NOMO3: variants seen among roughly 807,000 people sequenced by gnomAD.
NOMO3 encodes NODAL modulator 3, also known as BOS complex subunit NOMO3.
A neutral mutation model predicts 69.9 loss-of-function variants in NOMO3; 15 were observed. The observed-to-expected ratio is 0.21, with a 90% CI of 0.14 to 0.33. NOMO3 has a LOEUF of 0.33. Among genes scored for constraint, NOMO3 ranks in the 10% least tolerant of loss-of-function variants. The pLI, the probability that NOMO3 is intolerant of heterozygous loss-of-function variation, is 1.00. For missense variants in NOMO3, 218 were observed against 761.0 expected (o/e 0.29, Z 8.39); for synonymous variants, 89 against 301.9 (o/e 0.29, Z 7.31).
intron 16 of NOMO3, chr16:16,267,421 C>G: frequency 2.3e-6 from 1 of 437,310 alleles, no homozygotes; most frequent in South Asian, 3.6e-5. Flanking sequence ...GCTTCTCGCT[C>G]TTTCTCATTT....
At position 16,237,547 on chromosome 16, in the gene NOMO3, GT is replaced by G. The variant is rs377365326; in HGVS notation, c.255+568del. Among the ~76,000 whole-genome samples the G allele has an allele frequency of 2.9e-4, 40 of 135,654 alleles. 3 individuals carry two copies. Among genetic ancestry groups the G allele is most frequent in the South Asian group, 9.4e-4 (4 of 4,272 alleles). 89.0% of individuals were successfully genotyped at this position (135,654 alleles called of 152,430 possible). A position where few individuals can be genotyped will look rare whatever the true frequency, so the allele number is the denominator to read the frequency against. On this transcript the variant is annotated intron_variant, in intron 2 of 30. Coordinates refer to ENST00000399336, the MANE Select transcript of NOMO3 (RefSeq NM_001004067.4). ...TAATCTGATAAAGGTTTTTTTTGTTGTTTTTTTTTTTCTTCTTTTGAGTTGG... is the reference window on the plus strand; with the variant it reads ...TAATCTGATAAAGGTTTTTTTTGTTGTTTTTTTTTTCTTCTTTTGAGTTGG...
At chr16:16,260,654 T>A (rs2141257483) in intron 11 of NOMO3, among the ~76,000 whole-genome samples, 1 of 142,246 alleles carries the variant, frequency 7.0e-6, no homozygotes, top group South Asian at 2.2e-4. Context: ...CAGAAGTAAC[T>A]AATTTTTATC....
chr16:16,250,049 C>T (rs1223127879), intron 6 of NOMO3, among the ~76,000 whole-genome samples: 2 of 134,014 alleles, frequency 1.5e-5, no homozygotes, highest in Non-Finnish European at 3.0e-5. Flanking sequence ...GGCACTGTTG[C>T]GTGATTGGAA....
chr16:16,262,883 T>C (rs2049576078), intron 12 of NOMO3, among the ~76,000 whole-genome samples, 191 bp from the exon 13 acceptor site: 1 of 142,808 alleles, frequency 7.0e-6, no homozygotes, highest in Non-Finnish European at 1.5e-5. Flanking sequence ...ATTTTTCATC[T>C]GGGTAGAACC....
intron 11 of NOMO3, among the ~76,000 whole-genome samples, chr16:16,260,686 T>A (rs1245886636): frequency 3.5e-5 from 5 of 141,916 alleles, no homozygotes; most frequent in Admixed American, 2.7e-4. Context: ...TTGAAGATTC[T>A]TTAAAATGAA....
intron 17 of NOMO3, among the ~76,000 whole-genome samples, 186 bp downstream of exon 17, chr16:16,270,370 G>A (rs1480452505): frequency 8.7e-6 from 1 of 115,546 alleles, no homozygotes. Flanking sequence ...CCGGAGACAG[G>A]ATCCCTTTCC....
intron 16 of NOMO3, among the ~76,000 whole-genome samples, chr16:16,268,196 G>A (rs1255941594): frequency 6.9e-6 from 1 of 144,064 alleles, no homozygotes; most frequent in Admixed American, 6.7e-5. Flanking sequence ...CTAATGTTAC[G>A]GACATTCTTA....
rs1178934321 is a variant in NOMO3 at position 16,240,763 on chromosome 16, G to A, written c.301+867G>A. Among the ~76,000 whole-genome samples, 21 of 143,334 alleles carry A rather than the reference G, an allele frequency of 1.5e-4. 1 individual carries two copies. The highest frequency in any genetic ancestry group is 4.4e-4 in the South Asian group (2 of 4,544). The allele number at this position is 143,334 out of a possible 152,430, so 94.0% of individuals were successfully genotyped here. A position where few individuals can be genotyped will look rare whatever the true frequency, so the allele number is the denominator to read the frequency against. On this transcript the variant is annotated intron_variant, in intron 3 of 30. Transcript: ENST00000399336. Reference sequence around the variant, plus strand: ...ACCGTTGTTGATATCAGGCTTGCTCGTGCATTAGACAAGGAAGAATTTAGC... The same window carrying A: ...ACCGTTGTTGATATCAGGCTTGCTCATGCATTAGACAAGGAAGAATTTAGC...
intron 15 of NOMO3, among the ~76,000 whole-genome samples, chr16:16,265,673 T>G (rs1247044476): frequency 3.5e-3 from 88 of 25,070 alleles, no homozygotes; most frequent in Non-Finnish European, 4.3e-3. Flanking sequence ...TATATATATT[T>G]TTTTTTTTTT....
intron 11 of NOMO3, among the ~76,000 whole-genome samples, chr16:16,258,844 G>A (rs575366801): frequency 7.1e-6 from 1 of 141,242 alleles, no homozygotes; most frequent in Non-Finnish European, 1.5e-5. Context: ...CAGCCTGGGC[G>A]ACAGGGTGAG....
At chr16:16,247,032 TCTC>T (rs1398080845) in intron 5 of NOMO3, 2 of 306,592 alleles carry the variant, frequency 6.5e-6, no homozygotes, top group Non-Finnish European at 1.2e-5. Flanking sequence ...TCTGTCCCCT[TCTC>T]CTTGTCAGTT....
intron 1 of NOMO3, among the ~76,000 whole-genome samples, chr16:16,234,771 A>G (rs964086741): frequency 6.6e-6 from 1 of 150,652 alleles, no homozygotes; most frequent in African/African-American, 2.5e-5. Flanking sequence ...ACAAAACTCC[A>G]TACTCTCATG....
Position 16,251,942 on chromosome 16 carries a change from CT to C in NOMO3, c.736-15del. On this transcript the variant is annotated intron_variant, in intron 7 of 30. Coordinates refer to ENST00000399336, the MANE Select transcript of NOMO3 (RefSeq NM_001004067.4). ...ATGTAAATGGAAAAGGAAGTCTTGT[CT>C]TTTTTACCCCCTGGCATAGGATGTC... 1 of 1,239,156 alleles carries C rather than the reference CT, an allele frequency of 8.1e-7. No individual in the cohort carries two copies. Among genetic ancestry groups the C allele is most frequent in the Non-Finnish European group, 1.1e-6 (1 of 918,868 alleles). 76.8% of individuals were successfully genotyped at this position (1,239,156 alleles called of 1,614,324 possible). A position where few individuals can be genotyped will look rare whatever the true frequency, so the allele number is the denominator to read the frequency against.
At position 16,263,181 on chromosome 16, in the gene NOMO3, C is replaced by A. The variant is rs370399390; in HGVS notation, c.1503C>A (p.Phe501Leu). The A allele has an allele frequency of 5.0e-6, 8 of 1,592,812 alleles. No homozygotes were observed. Among genetic ancestry groups the A allele is most frequent in the African/African-American group, 3.1e-5 (2 of 65,050 alleles). ...TGATGGATGTGGCCTTTGTACAGTT[C>A]TTGGCATCAGTTTCTGGGAAAGTCT... is the stretch of plus-strand genomic sequence containing the variant. ...RPVMDVAFVQFLASVSGKVSC... is the reference protein window; with the variant it reads ...RPVMDVAFVQLLASVSGKVSC... Residue 501 changes from phenylalanine to leucine, a missense_variant, in exon 13 of 31, where the codon TTC becomes TTA. Phe to Leu is a conservative substitution (Grantham distance 22). Coordinates refer to ENST00000399336, the MANE Select transcript of NOMO3 (RefSeq NM_001004067.4).
At chr16:16,268,709 G>A (rs1303844810) in intron 16 of NOMO3, among the ~76,000 whole-genome samples, 12 of 142,018 alleles carry the variant, frequency 8.4e-5, no homozygotes, top group African/African-American at 2.1e-4. Flanking sequence ...GTGGCAGTGC[G>A]TGGCTGCCAG....
At chr16:16,249,564 A>G (rs1253835078) in intron 6 of NOMO3, among the ~76,000 whole-genome samples, 2 of 132,070 alleles carry the variant, frequency 1.5e-5, no homozygotes, top group Non-Finnish European at 3.0e-5. Context: ...CTTGGGTGAC[A>G]GAGTGAGACT....
At chr16:16,253,962 T>C (rs878988805) in intron 9 of NOMO3, among the ~76,000 whole-genome samples, 1 of 125,590 alleles carries the variant, frequency 8.0e-6, no homozygotes, top group Non-Finnish European at 1.6e-5. Flanking sequence ...ATTTTAATCA[T>C]TTTCTTTTAA....
At chr16:16,257,193 G>GCTTT (rs1473250630) in intron 11 of NOMO3, among the ~76,000 whole-genome samples, 2 of 118,896 alleles carry the variant, frequency 1.7e-5, no homozygotes, top group Non-Finnish European at 3.2e-5. Context: ...GGGCGTAGGG[G>GCTTT]CTTTCTCCCA....
intron 2 of NOMO3, among the ~76,000 whole-genome samples, chr16:16,237,942 A>G (rs1447435264): frequency 6.9e-6 from 1 of 144,552 alleles, no homozygotes; most frequent in Non-Finnish European, 1.5e-5. Context: ...GTATATATGG[A>G]AATACACACA....
Sources: gnomAD v4.1 joint callset for allele counts (sites outside exome capture counted in the v4.1 genomes callset) on GRCh38, gnomAD v4.1.1 for gene constraint, MANE v1.5 for transcripts, NCBI Gene and HGNC (gene_info 2026-07-23, HGNC 2026-07-21) for gene names.